Variants in ADARB2 observed in about 807,000 individuals in gnomAD.
ADARB2 encodes the protein adenosine deaminase RNA specific B2 (inactive).
Under a neutral mutation model 62.2 loss-of-function variants are expected in ADARB2, and 25 were observed. The ratio of observed to expected loss-of-function variants is 0.40; its 90% CI spans 0.29 to 0.56. ADARB2 has a LOEUF of 0.56. ADARB2 is among the 20% of genes least tolerant of loss of function. ADARB2 has a pLI of 0.43. For synonymous variants in ADARB2, 572 were observed against 500.8 expected (o/e 1.14, Z -1.90); for missense variants, 1,071 against 1,077.4 (o/e 0.99, Z 0.08).
chr10:1,444,763 T>A (rs908223986), intron 1 of ADARB2, among the ~76,000 whole-genome samples: 2 of 143,198 alleles, frequency 1.4e-5, no homozygotes, highest in South Asian at 4.8e-4. Context: ...CATCTATCCA[T>A]CCATTCACCA....
At chr10:1,709,148 G>C (rs983905919) in intron 1 of ADARB2, among the ~76,000 whole-genome samples, 1 of 152,220 alleles carries the variant, frequency 6.6e-6, no homozygotes, top group Non-Finnish European at 1.5e-5. Flanking sequence ...AAGTCGCTAA[G>C]TGGAGACCTA....
rs1180327514 is a variant in ADARB2 at position 1,381,203 on chromosome 10, C to CT, written c.101-2044dup. ...ACACACACACACACACACATATATA[C>CT]TTAAAAACCTTATTCATGGTTTGTC... On this transcript the variant is annotated intron_variant, in intron 1 of 9. Transcript: ENST00000381312. Among the ~76,000 whole-genome samples, 6 of 152,054 alleles carry CT rather than the reference C, an allele frequency of 3.9e-5. No homozygotes were observed. The East Asian group carries it at 1.2e-3, about 29-fold the overall frequency.
chr10:1,267,136 T>TAA (rs551410020), intron 4 of ADARB2, among the ~76,000 whole-genome samples: 43 of 129,524 alleles, frequency 3.3e-4, no homozygotes, highest in African/African-American at 8.3e-4. Flanking sequence ...AAATCCAAGT[T>TAA]AAAAAAAAAA....
chr10:1,268,744 C>T (rs1256782992), intron 4 of ADARB2, among the ~76,000 whole-genome samples: 1 of 152,162 alleles, frequency 6.6e-6, no homozygotes, highest in African/African-American at 2.4e-5. Context: ...TAAATTTAAG[C>T]AAGTTATTCT....
At chr10:1,580,043 G>A (rs895587078) in intron 1 of ADARB2, among the ~76,000 whole-genome samples, 2 of 152,196 alleles carry the variant, frequency 1.3e-5, no homozygotes, top group Non-Finnish European at 2.9e-5. Flanking sequence ...CGAGGCAGAC[G>A]AGCGAGTCAC....
intron 1 of ADARB2, among the ~76,000 whole-genome samples, chr10:1,531,696 A>C (rs1266017431): frequency 1.3e-5 from 2 of 152,052 alleles, no homozygotes; most frequent in African/African-American, 4.8e-5. Context: ...AATTAGCTGG[A>C]TGTGGTGTCA....
chr10:1,373,702 C>G (rs1004707520), intron 2 of ADARB2, among the ~76,000 whole-genome samples: 1 of 152,208 alleles, frequency 6.6e-6, no homozygotes, highest in African/African-American at 2.4e-5. Context: ...GCCCTCTTGC[C>G]CTCACTGGGG....
intron 1 of ADARB2, among the ~76,000 whole-genome samples, chr10:1,609,889 T>C (rs1329035164): frequency 6.6e-6 from 1 of 152,238 alleles, no homozygotes; most frequent in Non-Finnish European, 1.5e-5. Flanking sequence ...AGGTGATGAA[T>C]AGCAGGGCGC....
chr10:1,289,265 A>G (rs1390049336), intron 3 of ADARB2, among the ~76,000 whole-genome samples: 1 of 152,200 alleles, frequency 6.6e-6, no homozygotes, highest in Non-Finnish European at 1.5e-5. Flanking sequence ...AGACTGAACC[A>G]ATGTCAATCC....
chr10:1,733,910 G>A (rs1237723265), intron 1 of ADARB2, among the ~76,000 whole-genome samples: 6 of 152,034 alleles, frequency 3.9e-5, no homozygotes, highest in African/African-American at 1.2e-4. Flanking sequence ...TGAGGCAGGC[G>A]CGGGACACAC....
intron 1 of ADARB2, among the ~76,000 whole-genome samples, chr10:1,435,823 C>G (rs1830829758): frequency 1.3e-5 from 2 of 152,152 alleles, no homozygotes; most frequent in Non-Finnish European, 2.9e-5. Context: ...CCACATGTCA[C>G]TCATAATACG....
intron 1 of ADARB2, among the ~76,000 whole-genome samples, chr10:1,576,080 A>AG (rs1466494864): frequency 3.5e-4 from 19 of 53,894 alleles, no homozygotes; most frequent in Admixed American, 8.4e-4. Flanking sequence ...GGGTCACAGG[A>AG]GGGGGCTCAG....
At chr10:1,562,140 C>G (rs1832793767) in intron 1 of ADARB2, among the ~76,000 whole-genome samples, 1 of 152,152 alleles carries the variant, frequency 6.6e-6, no homozygotes, top group African/African-American at 2.4e-5. Flanking sequence ...GTTCTTCTGC[C>G]TGGAGCAGCC....
intron 1 of ADARB2, among the ~76,000 whole-genome samples, chr10:1,666,361 C>G (rs1022119651): frequency 6.6e-5 from 10 of 152,218 alleles, no homozygotes; most frequent in Admixed American, 6.5e-4. Flanking sequence ...ATCTGCGAGT[C>G]GGAGCCTCCG....
chr10:1,188,984 GC>G (rs1194084379), intron 8 of ADARB2, among the ~76,000 whole-genome samples: 1 of 152,112 alleles, frequency 6.6e-6, no homozygotes, highest in Non-Finnish European at 1.5e-5. Context: ...CGCACCAGGT[GC>G]CCAGGCTCCA....
intron 1 of ADARB2, chr10:1,556,563 T>C (rs141811475): frequency 2.5e-6 from 1 of 407,068 alleles, no homozygotes; most frequent in Non-Finnish European, 5.1e-6. Flanking sequence ...TTCGACTCCA[T>C]GGTCTGGGGA....
chr10:1,546,528 C>T (rs947579052), intron 1 of ADARB2, among the ~76,000 whole-genome samples: 1 of 152,220 alleles, frequency 6.6e-6, no homozygotes, highest in Non-Finnish European at 1.5e-5. Flanking sequence ...GACACTGTGG[C>T]TCTCCAATCA....
At chr10:1,463,197 C>T (rs1831201291) in intron 1 of ADARB2, among the ~76,000 whole-genome samples, 1 of 152,030 alleles carries the variant, frequency 6.6e-6, no homozygotes, top group African/African-American at 2.4e-5. Flanking sequence ...CCCACGGTGC[C>T]TGGGTGGTGT....
intron 7 of ADARB2, among the ~76,000 whole-genome samples, chr10:1,203,779 C>A (rs1323648863): frequency 6.6e-6 from 1 of 152,130 alleles, no homozygotes; most frequent in Non-Finnish European, 1.5e-5. Context: ...GTGGGGCCTC[C>A]CTTGACCGTT....
Sources: allele counts gnomAD v4.1 joint callset (sites outside exome capture counted in the v4.1 genomes callset), GRCh38; gene constraint gnomAD v4.1.1; transcripts MANE v1.5; gene names NCBI Gene and HGNC (gene_info 2026-07-23, HGNC 2026-07-21).